Variants in DOCK3 observed in about 807,000 individuals in gnomAD.
DOCK3 encodes the protein dedicator of cytokinesis protein 3.
Under a neutral mutation model 265.6 loss-of-function variants are expected in DOCK3, and 60 were observed. The observed-to-expected ratio is 0.23, with a 90% CI of 0.18 to 0.28. The LOEUF is 0.28. DOCK3 is among the 10% of genes least tolerant of loss of function. The pLI is 1.00. For missense variants in DOCK3, 1,981 were observed against 2,594.3 expected (o/e 0.76, Z 5.14); for synonymous variants, 881 against 938.0 (o/e 0.94, Z 1.11).
intron 27 of DOCK3, among the ~76,000 whole-genome samples, chr3:51,297,164 G>T (rs1250120498): frequency 2.1e-5 from 3 of 143,086 alleles, no homozygotes; most frequent in Non-Finnish European, 4.5e-5. Flanking sequence ...GAATGATATC[G>T]CATCTCTACC....
intron 5 of DOCK3, among the ~76,000 whole-genome samples, chr3:51,033,785 G>C (rs923289199): frequency 2.6e-5 from 4 of 152,112 alleles, no homozygotes; most frequent in Non-Finnish European, 2.9e-5. Flanking sequence ...GTGGTCTGTG[G>C]CTGTAGGCTT....
chr3:51,162,550 A>G (rs1020451898), intron 12 of DOCK3, among the ~76,000 whole-genome samples: 2 of 152,218 alleles, frequency 1.3e-5, no homozygotes, highest in Non-Finnish European at 2.9e-5. Flanking sequence ...GACTAAAGAG[A>G]AATCCAAAAT....
intron 3 of DOCK3, among the ~76,000 whole-genome samples, chr3:50,878,053 T>G (rs927864175): frequency 6.6e-6 from 1 of 152,182 alleles, no homozygotes; most frequent in Non-Finnish European, 1.5e-5. Context: ...GACCTGCAGC[T>G]GAAGGTCCTG....
chr3:51,041,186 A>G (rs1559977588), intron 5 of DOCK3, among the ~76,000 whole-genome samples: 1 of 12,012 alleles, frequency 8.3e-5, no homozygotes, highest in East Asian at 1.8e-3. Context: ...ATATATATAT[A>G]TATATATATA....
chr3:50,825,077 A>G (rs1270001737), intron 2 of DOCK3, among the ~76,000 whole-genome samples: 4 of 152,222 alleles, frequency 2.6e-5, no homozygotes, highest in Non-Finnish European at 4.4e-5. Flanking sequence ...TTTTATAAAA[A>G]ATATTTGGAA....
At chr3:51,264,630 A>G (rs1393024487) in intron 23 of DOCK3, among the ~76,000 whole-genome samples, 1 of 151,974 alleles carries the variant, frequency 6.6e-6, no homozygotes, top group African/African-American at 2.4e-5. Context: ...GATCAAGACC[A>G]TCCTGGCCAA....
chr3:50,698,255 A>G (rs776257641), intron 1 of DOCK3, among the ~76,000 whole-genome samples: 31 of 152,138 alleles, frequency 2.0e-4, no homozygotes, highest in Non-Finnish European at 3.4e-4. Context: ...GGCATTTCAT[A>G]TAAATGGAAT....
chr3:51,291,036 C>T (rs891157946), intron 27 of DOCK3, among the ~76,000 whole-genome samples: 1 of 152,168 alleles, frequency 6.6e-6, no homozygotes, highest in African/African-American at 2.4e-5. Context: ...AAGATCGTGC[C>T]ACTGCACTCC....
At chr3:50,788,220 C>A in intron 2 of DOCK3, 2 of 754,852 alleles carry the variant, frequency 2.6e-6, no homozygotes, top group Non-Finnish European at 4.0e-6. Context: ...CATCTTGTGC[C>A]ATTCCTGCTA....
chr3:50,832,741 G>A (rs1209822055), intron 2 of DOCK3, among the ~76,000 whole-genome samples: 3 of 152,144 alleles, frequency 2.0e-5, no homozygotes, highest in Admixed American at 6.5e-5. Flanking sequence ...CCTAAGGTTA[G>A]TAGAGGGATG....
rs1042430393 is a variant in DOCK3 at position 51,017,687 on chromosome 3, T to C, written c.316-46761T>C. Among the ~76,000 whole-genome samples, 15 of 151,880 alleles carry C rather than the reference T, an allele frequency of 9.9e-5. 1 individual carries two copies. Among genetic ancestry groups the C allele is most frequent in the African/African-American group, 3.6e-4 (15 of 41,170 alleles). On this transcript the variant is annotated intron_variant, in intron 5 of 52. Coordinates refer to ENST00000266037, the MANE Select transcript of DOCK3 (RefSeq NM_004947.5). Reference sequence around the variant, plus strand: ...TTTCCAAAATTCCTGTTGTTACTGATTTCTGGCTTTATTCCATTGTGGTTA... The same window carrying C: ...TTTCCAAAATTCCTGTTGTTACTGACTTCTGGCTTTATTCCATTGTGGTTA...
intron 5 of DOCK3, among the ~76,000 whole-genome samples, chr3:51,008,412 T>C (rs191326983): frequency 0.057 from 8,674 of 152,228 alleles, 872 homozygotes; most frequent in African/African-American, 0.2. Context: ...AGTTCACTCG[T>C]GATTTGGCTC....
chr3:51,040,079 G>A (rs2080422625), intron 5 of DOCK3, among the ~76,000 whole-genome samples: 1 of 151,872 alleles, frequency 6.6e-6, no homozygotes, highest in Admixed American at 6.5e-5. Flanking sequence ...AATATGATAA[G>A]CCAGTTTTCT....
intron 9 of DOCK3, among the ~76,000 whole-genome samples, chr3:51,119,810 A>G (rs1307234424): frequency 6.6e-6 from 1 of 151,892 alleles, no homozygotes; most frequent in Non-Finnish European, 1.5e-5. Context: ...TTTCTGCTGC[A>G]TCAGGTCATT....
At chr3:50,859,540 A>C (rs1395968229) in intron 3 of DOCK3, among the ~76,000 whole-genome samples, 1 of 151,878 alleles carries the variant, frequency 6.6e-6, no homozygotes, top group African/African-American at 2.4e-5. Context: ...TGTAGGACAT[A>C]TGACACTCTG....
intron 3 of DOCK3, among the ~76,000 whole-genome samples, chr3:50,844,496 C>T (rs1000148738): frequency 6.6e-6 from 1 of 152,090 alleles, no homozygotes; most frequent in Non-Finnish European, 1.5e-5. Context: ...GCTGGGATTA[C>T]AGACATGAGC....
chr3:51,125,700 A>G (rs765764292), intron 9 of DOCK3, among the ~76,000 whole-genome samples: 1 of 152,230 alleles, frequency 6.6e-6, no homozygotes, highest in Non-Finnish European at 1.5e-5. Context: ...TGTATGTTAC[A>G]TGGCAAACTA....
chr3:50,762,121 G>A (rs2040570948), intron 1 of DOCK3, among the ~76,000 whole-genome samples: 4 of 152,078 alleles, frequency 2.6e-5, no homozygotes, highest in African/African-American at 7.2e-5. Flanking sequence ...TGGGGGCAGC[G>A]GGGAGGGATA....
At chr3:51,050,344 A>C (rs900586246) in intron 5 of DOCK3, among the ~76,000 whole-genome samples, 1 of 152,162 alleles carries the variant, frequency 6.6e-6, no homozygotes, top group Admixed American at 6.5e-5. Flanking sequence ...CTGTGATTGC[A>C]CCACTACACT....
Sources: gnomAD v4.1 joint callset for allele counts (sites outside exome capture counted in the v4.1 genomes callset) on GRCh38, gnomAD v4.1.1 for gene constraint, MANE v1.5 for transcripts, NCBI Gene and HGNC (gene_info 2026-07-23, HGNC 2026-07-21) for gene names.